SLC28A1: variants seen among roughly 807,000 people sequenced by gnomAD.
SLC28A1 encodes solute carrier family 28 member 1, also known as sodium/nucleoside cotransporter 1.
A neutral mutation model predicts 74.8 loss-of-function variants in SLC28A1; 64 were observed. That is an observed-to-expected ratio of 0.86 (90% CI 0.70 to 1.05). The LOEUF (loss-of-function observed/expected upper bound fraction) is 1.05. Ranked by LOEUF, SLC28A1 falls within the 50% of genes least tolerant of loss-of-function variation. SLC28A1 has a pLI of 0.00. For missense variants in SLC28A1, 828 were observed against 822.8 expected (o/e 1.01, Z -0.08); for synonymous variants, 359 against 335.0 (o/e 1.07, Z -0.78).
chr15:84,959,366 A>C, the SLC28A1 span, among the ~76,000 whole-genome samples: 15 of 152,150 alleles, frequency 9.9e-5, no homozygotes, highest in Non-Finnish European at 1.8e-4. Flanking sequence ...CGGTCTTCCA[A>C]AGTGCTGGGA....
At chr15:84,888,260 G>A (rs1166014226) in intron 3 of SLC28A1, among the ~76,000 whole-genome samples, 1 of 152,134 alleles carries the variant, frequency 6.6e-6, no homozygotes, top group Non-Finnish European at 1.5e-5. Context: ...GGCCAGGTCA[G>A]GTCGAGGCAC....
the SLC28A1 span, among the ~76,000 whole-genome samples, chr15:84,960,889 A>G: frequency 6.6e-6 from 1 of 152,012 alleles, no homozygotes; most frequent in South Asian, 2.1e-4. Context: ...GTTTTGAGCG[A>G]CAACAGTGCT....
At chr15:84,958,305 T>C in the SLC28A1 span, among the ~76,000 whole-genome samples, 1 of 152,212 alleles carries the variant, frequency 6.6e-6, no homozygotes, top group Non-Finnish European at 1.5e-5. Flanking sequence ...CTGCTGCTGC[T>C]CAGCTGTCAC....
At position 84,945,342 on chromosome 15, in the gene SLC28A1, T is replaced by G; in HGVS notation, c.*142T>G. On this transcript the variant is annotated 3_prime_UTR_variant, in exon 19 of 19. Transcript: ENST00000394573. ...GCTCAATCCCACAATTGGGAAGGGT[T>G]CATGGAGTGAGTGTGCAGAGAGTGA... 1 of 737,040 alleles carries G rather than the reference T, an allele frequency of 1.4e-6. No homozygotes were observed. The highest frequency in any genetic ancestry group is 2.5e-6 in the Non-Finnish European group (1 of 407,558). The allele number at this position is 737,040 out of a possible 1,614,324, so 45.7% of individuals were successfully genotyped here.
At chr15:84,932,766 A>G (rs1971469904) in intron 12 of SLC28A1, among the ~76,000 whole-genome samples, 2 of 152,250 alleles carry the variant, frequency 1.3e-5, no homozygotes, top group Admixed American at 6.5e-5. Flanking sequence ...GTCAACAGTG[A>G]CAGCCTAAAA....
At chr15:84,946,826 T>C (rs529703556), downstream of SLC28A1, among the ~76,000 whole-genome samples, 1 of 152,222 alleles carries the variant, frequency 6.6e-6, no homozygotes, top group Non-Finnish European at 1.5e-5. Context: ...GCATGCCCTC[T>C]CCATCTCCCT....
Position 84,945,665 on chromosome 15 carries a change from C to A in SLC28A1, c.*465C>A. 4.1e-6 allele frequency: 1 copy of A among 244,506 alleles called. No individual in the cohort carries two copies. The highest frequency in any genetic ancestry group is 5.8e-5 in the South Asian group (1 of 17,118). 15.1% of individuals were successfully genotyped at this position (244,506 alleles called of 1,614,324 possible). A position where few individuals can be genotyped will look rare whatever the true frequency, so the allele number is the denominator to read the frequency against. Reference sequence around the variant, plus strand: ...CTCTTTCTCTGCTTTCAGAGAAACCCTTCCCGCCTTTCCTCAGAGTGCTTC... The same window carrying A: ...CTCTTTCTCTGCTTTCAGAGAAACCATTCCCGCCTTTCCTCAGAGTGCTTC... On this transcript the variant is annotated 3_prime_UTR_variant, in exon 19 of 19. Transcript: ENST00000394573.
intron 12 of SLC28A1, among the ~76,000 whole-genome samples, chr15:84,928,588 T>TTCTCTCTC (rs1970847936): frequency 5.4e-5 from 1 of 18,562 alleles, no homozygotes; most frequent in Non-Finnish European, 9.3e-5. Flanking sequence ...CTTTCTTTCT[T>TTCTCTCTC]TCTTTCTTTC....
At chr15:84,964,823 T>C in the SLC28A1 span, among the ~76,000 whole-genome samples, 2 of 152,178 alleles carry the variant, frequency 1.3e-5, no homozygotes, top group Admixed American at 1.3e-4. Context: ...TTTCTTTCTA[T>C]CCTGGGATTA....
chr15:84,884,810 G>C lies in SLC28A1; in HGVS notation c.-133+59G>C, dbSNP rs574870278. On this transcript the variant is annotated intron_variant, in intron 1 of 18. Transcript: ENST00000394573. The stretch of plus-strand genomic sequence containing the variant: ...GCGGGACTGAAGAAAGGAGGGGAAG[G>C]GGGTAGCACAGGGCAAAGTGGAAAA... The C allele has an allele frequency of 1.1e-3, 969 of 894,670 alleles. 6 individuals carry two copies. The highest frequency in any genetic ancestry group is 8.3e-3 in the African/African-American group (457 of 55,364). The allele number at this position is 894,670 out of a possible 1,614,324, so 55.4% of individuals were successfully genotyped here. A position where few individuals can be genotyped will look rare whatever the true frequency, so the allele number is the denominator to read the frequency against.
chr15:84,900,739 G>A (rs1966587177), intron 6 of SLC28A1, among the ~76,000 whole-genome samples: 1 of 152,050 alleles, frequency 6.6e-6, no homozygotes, highest in East Asian at 1.9e-4. Flanking sequence ...AGAAGGTCGA[G>A]ACTGCAGTGA....
At chr15:84,944,979 C>CTT in intron 18 of SLC28A1, 112 bp downstream of exon 18, 1 of 1,059,760 alleles carries the variant, frequency 9.4e-7, no homozygotes, top group Non-Finnish European at 1.5e-6. Context: ...GTTACGGCTG[C>CTT]AGCTAATGGG....
chr15:84,921,056 T>A lies in SLC28A1; in HGVS notation c.944T>A (p.Ile315Asn). ...ATETLSVAGN[I>N]FVSQTEAPLL... ...GAGACCCTGAGTGTGGCTGGAAACATCTTTGTGAGCCAGGTGGGTATGGAA... is the reference window on the plus strand; with the variant it reads ...GAGACCCTGAGTGTGGCTGGAAACAACTTTGTGAGCCAGGTGGGTATGGAA... The change falls in exon 11 of 19, where the codon ATC becomes AAC. Residue 315 changes from isoleucine (I) to asparagine (N), a missense_variant. Ile to Asn is a moderately radical substitution (Grantham distance 149). Transcript: ENST00000394573. 1 of 1,613,832 alleles carries A rather than the reference T, an allele frequency of 6.2e-7. No individual in the cohort carries two copies. The highest frequency in any genetic ancestry group is 2.2e-5 in the East Asian group (1 of 44,882).
intron 13 of SLC28A1, among the ~76,000 whole-genome samples, chr15:84,934,233 G>C (rs1055950388): frequency 6.6e-6 from 1 of 152,250 alleles, no homozygotes; most frequent in African/African-American, 2.4e-5. Flanking sequence ...TCTCTGACCA[G>C]CAGGAAACAA....
intron 9 of SLC28A1, among the ~76,000 whole-genome samples, chr15:84,911,600 G>A (rs1182556896): frequency 1.3e-5 from 2 of 151,770 alleles, no homozygotes; most frequent in Admixed American, 6.6e-5. Flanking sequence ...GGTGGCTCAC[G>A]CCTGTAATCC....
chr15:84,913,172 C>T (rs183867069), intron 9 of SLC28A1, among the ~76,000 whole-genome samples: 8 of 152,240 alleles, frequency 5.3e-5, no homozygotes, highest in Non-Finnish European at 7.4e-5. Flanking sequence ...CACTTTCTGG[C>T]GGTGGTACTG....
the SLC28A1 span, among the ~76,000 whole-genome samples, chr15:84,969,880 C>G: frequency 6.6e-6 from 1 of 151,984 alleles, no homozygotes; most frequent in Non-Finnish European, 1.5e-5. Context: ...TGATTTCTTT[C>G]TTTGAAAACA....
In SLC28A1 at chr15:84,943,288, T is replaced by G. The variant is rs181285748; in HGVS notation, c.1582-157T>G. ...GGTGCAGTTTGAGCCAACTTAGAGG[T>G]GGGATTGCAAGGCTGGGGAAGCGGC... On this transcript the variant is annotated intron_variant, in intron 15 of 18. Coordinates refer to ENST00000394573, the MANE Select transcript of SLC28A1 (RefSeq NM_004213.5). 4.2e-3 allele frequency among the ~76,000 whole-genome samples: 634 copies of G among 151,734 alleles called. 12 individuals carry two copies. Among genetic ancestry groups the G allele is most frequent in the Admixed American group, 0.024 (369 of 15,264 alleles).
chr15:84,964,387 A>G, the SLC28A1 span, among the ~76,000 whole-genome samples: 64 of 152,340 alleles, frequency 4.2e-4, no homozygotes, highest in Admixed American at 7.2e-4. Flanking sequence ...CATTGCCCCA[A>G]CAGATCTTCC....
Sources: gnomAD v4.1 joint callset for allele counts (sites outside exome capture counted in the v4.1 genomes callset) on GRCh38, gnomAD v4.1.1 for gene constraint, MANE v1.5 for transcripts, NCBI Gene and HGNC (gene_info 2026-07-23, HGNC 2026-07-21) for gene names.